The following TBCK variants were observed in gnomAD, a reference collection of about 807,000 sequenced individuals.
TBCK encodes TBC domain-containing protein kinase-like protein.
Under a neutral mutation model 113.4 loss-of-function variants are expected in TBCK, and 99 were observed. The ratio of observed to expected loss-of-function variants is 0.87; its 90% CI spans 0.74 to 1.03. The LOEUF (loss-of-function observed/expected upper bound fraction) is 1.03, where lower values mean the gene tolerates loss of function less well. Ranked by LOEUF, TBCK falls within the 50% of genes least tolerant of loss-of-function variation. TBCK has a pLI of 0.00. For missense variants in TBCK, 1,045 were observed against 1,061.3 expected, an observed-to-expected ratio of 0.98 and a Z score of 0.21; for synonymous variants, 369 against 370.8, an observed-to-expected ratio of 1.00 and a Z score of 0.05.
intron 2 of TBCK, among the ~76,000 whole-genome samples, chr4:106,296,065 T>C (rs1268704651): frequency 6.6e-6 from 1 of 152,194 alleles, no homozygotes; most frequent in Non-Finnish European, 1.5e-5. Flanking sequence ...TCAACATTAA[T>C]GATGTCATTT....
chr4:106,122,610 G>T (rs1744580063), intron 23 of TBCK, among the ~76,000 whole-genome samples: 1 of 152,170 alleles, frequency 6.6e-6, no homozygotes, highest in African/African-American at 2.4e-5. Flanking sequence ...GATGAACATT[G>T]ATGCAAAAAT....
At chr4:106,310,939 AT>A (rs1487913368) in intron 1 of TBCK, among the ~76,000 whole-genome samples, 2 of 152,180 alleles carry the variant, frequency 1.3e-5, no homozygotes, top group Non-Finnish European at 2.9e-5. Flanking sequence ...AGAAAAACAC[AT>A]TATACAAAAG....
chr4:106,099,007 G>C (rs1428785864), intron 24 of TBCK, among the ~76,000 whole-genome samples: 3 of 152,040 alleles, frequency 2.0e-5, no homozygotes, highest in Non-Finnish European at 4.4e-5. Context: ...AGCATTAACA[G>C]GTAGGGATGA....
intron 23 of TBCK, among the ~76,000 whole-genome samples, chr4:106,120,689 C>A (rs185825831): frequency 0.068 from 10,395 of 152,186 alleles, 397 homozygotes; most frequent in Non-Finnish European, 0.08. Flanking sequence ...CTGGGAGGCA[C>A]CCCCCAGCAG....
At chr4:106,248,454 T>C in intron 8 of TBCK, 148 bp from the exon 9 acceptor site, 1 of 572,460 alleles carries the variant, frequency 1.7e-6, no homozygotes, top group Non-Finnish European at 3.0e-6. Context: ...AAAAAGCAAA[T>C]ACTTAAAGAG....
chr4:106,209,826 CTCTTA>C (rs1755928796), intron 20 of TBCK, among the ~76,000 whole-genome samples: 1 of 151,782 alleles, frequency 6.6e-6, no homozygotes, highest in African/African-American at 2.4e-5. Context: ...TTATATTTAT[CTCTTA>C]TAAGTACTAT....
intron 23 of TBCK, among the ~76,000 whole-genome samples, chr4:106,159,162 T>C (rs1749460669): frequency 6.6e-6 from 1 of 151,946 alleles, no homozygotes; most frequent in Non-Finnish European, 1.5e-5. Context: ...ATAAAAGTCA[T>C]ATATGAAAAA....
At chr4:106,063,001 C>T (rs978428823) in intron 25 of TBCK, among the ~76,000 whole-genome samples, 1 of 151,900 alleles carries the variant, frequency 6.6e-6, no homozygotes, top group Non-Finnish European at 1.5e-5. Flanking sequence ...AATAAGGACT[C>T]AACAGGAGTT....
Position 106,236,468 on chromosome 4 carries a change from G to A in TBCK, c.1272C>T (p.Ala424=), listed in dbSNP as rs949657179. 1 of 1,580,162 alleles carries A rather than the reference G, an allele frequency of 6.3e-7. No individual in the cohort carries two copies. Among genetic ancestry groups the A allele is most frequent in the African/African-American group, 1.4e-5 (1 of 73,628 alleles). Residue 424 remains alanine, a synonymous_variant, in exon 14 of 26, where the codon GCC becomes GCT. Coordinates refer to ENST00000394708, the MANE Select transcript of TBCK (RefSeq NM_001163435.3). ...TCTCTCTGATGATTAAAGGGAGCGT[G>A]GCAGCTGCAGACAACTCATTATTGC... ...SNSNNELSAA[A]TLPLIIREKD...
Position 106,236,431 on chromosome 4 carries a change from ACT to A in TBCK, c.1307_1308del (p.Glu436ValfsTer5), listed in dbSNP as rs1759468315. 3.8e-6 allele frequency: 6 copies of A among 1,563,592 alleles called. No homozygotes were observed. The highest frequency in any genetic ancestry group is 4.3e-6 in the Non-Finnish European group (5 of 1,153,840). On this transcript the variant is annotated frameshift_variant, in exon 14 of 26. Transcript: ENST00000394708. LOFTEE classifies it high-confidence loss of function. ...LPLIIREKDT[E>X]YQLNRIILFD... ...AAGAGAATAATTCTATTTAGTTGGT[ACT>A]CTGTATCCTTCTCTCTGATGATTAA...
chr4:106,125,645 A>G (rs541965597), intron 23 of TBCK, among the ~76,000 whole-genome samples: 41 of 152,314 alleles, frequency 2.7e-4, no homozygotes, highest in Admixed American at 6.5e-4. Context: ...GTATGTGGAA[A>G]CTAAATAAGT....
Position 106,171,087 on chromosome 4 carries a change from A to G in TBCK, c.2235+8T>C, listed in dbSNP as rs566547073. The G allele has an allele frequency of 1.9e-6, 3 of 1,580,434 alleles. No homozygotes were observed. Among genetic ancestry groups the G allele is most frequent in the Admixed American group, 3.9e-5 (2 of 51,220 alleles). On this transcript the variant is annotated splice_region_variant and intron_variant, in intron 23 of 25. Transcript: ENST00000394708. The stretch of plus-strand genomic sequence containing the variant: ...TAGAGTTTGTAAACTAAATCCGCAA[A>G]TACATACCAGATCTGTCTTTGGAGG...
intron 24 of TBCK, among the ~76,000 whole-genome samples, chr4:106,103,718 C>T (rs1044443160): frequency 6.6e-6 from 1 of 152,096 alleles, no homozygotes; most frequent in African/African-American, 2.4e-5. Flanking sequence ...AGCTAGTGTG[C>T]GTGGCTAGAA....
At chr4:106,229,814 G>T (rs917635062) in intron 19 of TBCK, among the ~76,000 whole-genome samples, 1 of 151,648 alleles carries the variant, frequency 6.6e-6, no homozygotes, top group Admixed American at 6.6e-5. Context: ...TTCCAAAAAA[G>T]AGTTCAGGAA....
chr4:106,075,148 G>A (rs1222937851), intron 25 of TBCK, among the ~76,000 whole-genome samples: 1 of 152,004 alleles, frequency 6.6e-6, no homozygotes, highest in Non-Finnish European at 1.5e-5. Flanking sequence ...TTAGTGGGAA[G>A]GAAAAACAAT....
chr4:106,170,069 C>T (rs1397140956), intron 23 of TBCK, among the ~76,000 whole-genome samples: 5 of 152,018 alleles, frequency 3.3e-5, no homozygotes, highest in African/African-American at 1.2e-4. Context: ...TGACTGGTAC[C>T]AGTCTGTGGC....
At chr4:106,076,024 A>G (rs1480577779) in intron 25 of TBCK, among the ~76,000 whole-genome samples, 1 of 152,226 alleles carries the variant, frequency 6.6e-6, no homozygotes, top group Admixed American at 6.5e-5. Flanking sequence ...CTGGTGTTTC[A>G]ATCCTGGCTC....
intron 25 of TBCK, among the ~76,000 whole-genome samples, chr4:106,065,002 T>C (rs1045265771): frequency 6.6e-6 from 1 of 152,004 alleles, no homozygotes; most frequent in African/African-American, 2.4e-5. Flanking sequence ...AGCTGAAACT[T>C]TGACCTTATG....
chr4:106,316,197 C>A lies in TBCK; in HGVS notation c.-296G>T, dbSNP rs992400716. ...GGCCTTCCCCAAACACAGATCCGAGCTTTTCACCCTCTACCCTCCCCTCAG... is the reference window on the plus strand; with the variant it reads ...GGCCTTCCCCAAACACAGATCCGAGATTTTCACCCTCTACCCTCCCCTCAG... On this transcript the variant is annotated 5_prime_UTR_variant, in exon 1 of 26. Coordinates refer to ENST00000394708, the MANE Select transcript of TBCK (RefSeq NM_001163435.3). 7 of 202,354 alleles carry A rather than the reference C, an allele frequency of 3.5e-5. No individual in the cohort carries two copies. The East Asian group carries it at 3.5e-4, about 10-fold the overall frequency. The allele number at this position is 202,354 out of a possible 1,614,324, so 12.5% of individuals were successfully genotyped here.
Sources: gnomAD v4.1 joint callset for allele counts (sites outside exome capture counted in the v4.1 genomes callset) on GRCh38, gnomAD v4.1.1 for gene constraint, MANE v1.5 for transcripts, NCBI Gene and HGNC (gene_info 2026-07-23, HGNC 2026-07-21) for gene names.